Variants in MIR2052HG observed in about 807,000 individuals in gnomAD.
The protein encoded by MIR2052HG is MIR2052 host gene.
chr8:74,748,957 TG>T (rs1809915106), intron 4 of MIR2052HG, among the ~76,000 whole-genome samples: 1 of 152,192 alleles, frequency 6.6e-6, no homozygotes, highest in African/African-American at 2.4e-5. Context: ...ACAAAGCTGG[TG>T]GGTCTGCTTT....
chr8:74,720,858 A>T (rs1227029511), intron 4 of MIR2052HG, among the ~76,000 whole-genome samples: 1 of 152,062 alleles, frequency 6.6e-6, no homozygotes, highest in Non-Finnish European at 1.5e-5. Flanking sequence ...AGAGAGAGAG[A>T]GTGAAGAGGG....
chr8:74,670,992 A>G (rs542184856), intron 2 of MIR2052HG, among the ~76,000 whole-genome samples: 1 of 151,032 alleles, frequency 6.6e-6, no homozygotes, highest in East Asian at 2.0e-4. Context: ...GAGATATTTC[A>G]TGGACCCCAG....
chr8:74,724,320 T>A (rs922341132), intron 4 of MIR2052HG, among the ~76,000 whole-genome samples: 1 of 152,158 alleles, frequency 6.6e-6, no homozygotes, highest in South Asian at 2.1e-4. Context: ...TTTCAGGAGA[T>A]AACAGCACAG....
At chr8:74,722,455 A>C (rs979393178) in intron 4 of MIR2052HG, among the ~76,000 whole-genome samples, 1 of 152,230 alleles carries the variant, frequency 6.6e-6, no homozygotes, top group Non-Finnish European at 1.5e-5. Flanking sequence ...TTTTTGTAGA[A>C]ATCATTCTTG....
chr8:74,615,123 T>C (rs1586889875), intron 2 of MIR2052HG: 2 of 152,200 alleles, frequency 1.3e-5, no homozygotes, highest in Admixed American at 6.5e-5. Flanking sequence ...GCCAAGTGAA[T>C]AGGTCAGAGA....
intron 4 of MIR2052HG, among the ~76,000 whole-genome samples, chr8:74,741,536 C>G (rs948683242): frequency 2.0e-5 from 3 of 152,070 alleles, no homozygotes; most frequent in African/African-American, 7.2e-5. Context: ...AAATTTAGCC[C>G]CTTCACACTG....
At chr8:74,678,215 G>A (rs993184986) in intron 2 of MIR2052HG, among the ~76,000 whole-genome samples, 7 of 152,110 alleles carry the variant, frequency 4.6e-5, no homozygotes, top group African/African-American at 1.7e-4. Flanking sequence ...GTTATACTAA[G>A]TATTCAATTA....
At chr8:74,707,591 T>G (rs1365939131) in intron 4 of MIR2052HG, among the ~76,000 whole-genome samples, 3 of 152,062 alleles carry the variant, frequency 2.0e-5, no homozygotes, top group Non-Finnish European at 4.4e-5. Context: ...TTTTTTTAAC[T>G]GCAACTGGGG....
chr8:74,712,227 T>A (rs1361448000), intron 4 of MIR2052HG, among the ~76,000 whole-genome samples: 3 of 152,162 alleles, frequency 2.0e-5, no homozygotes, highest in African/African-American at 7.2e-5. Context: ...TGTAAACACA[T>A]GTAAAGTATG....
chr8:74,686,024 A>G (rs1809177230), intron 2 of MIR2052HG, among the ~76,000 whole-genome samples: 1 of 151,992 alleles, frequency 6.6e-6, no homozygotes, highest in South Asian at 2.1e-4. Flanking sequence ...TATCCATGAT[A>G]ACTGCTCTGC....
At chr8:74,628,366 G>A (rs1373102738) in intron 2 of MIR2052HG, among the ~76,000 whole-genome samples, 1 of 152,196 alleles carries the variant, frequency 6.6e-6, no homozygotes, top group Non-Finnish European at 1.5e-5. Context: ...AAAAAAATGT[G>A]ATAATCTCTA....
In MIR2052HG at chr8:74,618,251, C is replaced by T. The variant is rs1808312917; in HGVS notation, n.216+5311C>T. Among the ~76,000 whole-genome samples the T allele has an allele frequency of 3.3e-5, 5 of 152,202 alleles. No homozygotes were observed. In the South Asian group the frequency reaches 1.0e-3, roughly 32 times the overall value. On this transcript the variant is annotated intron_variant and non_coding_transcript_variant, in intron 2 of 6. Transcript: ENST00000523442. ...GAACCTGCTCACCATTTTCCGTCCTCTTGCCCAATTTTATTTTTTAATAGA... is the reference window on the plus strand; with the variant it reads ...GAACCTGCTCACCATTTTCCGTCCTTTTGCCCAATTTTATTTTTTAATAGA...
intron 2 of MIR2052HG, among the ~76,000 whole-genome samples, chr8:74,686,825 G>A (rs1809186499): frequency 6.6e-6 from 1 of 152,090 alleles, no homozygotes; most frequent in Non-Finnish European, 1.5e-5. Flanking sequence ...CAATTAAACA[G>A]GAGAGGCAGT....
intron 2 of MIR2052HG, among the ~76,000 whole-genome samples, chr8:74,682,837 G>GA (rs1311875524): frequency 6.6e-6 from 1 of 151,924 alleles, no homozygotes; most frequent in Non-Finnish European, 1.5e-5. Flanking sequence ...GATTGTTACA[G>GA]AAAAAAACTG....
At chr8:74,608,326 A>G (rs1032923116) in intron 1 of MIR2052HG, among the ~76,000 whole-genome samples, 2 of 152,218 alleles carry the variant, frequency 1.3e-5, no homozygotes, top group Non-Finnish European at 2.9e-5. Flanking sequence ...AAATGGAGAA[A>G]GGAGAAAAGA....
At chr8:74,669,454 A>T (rs894950747) in intron 2 of MIR2052HG, among the ~76,000 whole-genome samples, 1 of 152,180 alleles carries the variant, frequency 6.6e-6, no homozygotes, top group African/African-American at 2.4e-5. Context: ...GTATGCTTAG[A>T]TATGTCTTCC....
rs755697676 is a variant in MIR2052HG at position 74,738,129 on chromosome 8, G to GTATCTATC, written n.372-14309_372-14308insCTATCTAT. ...GTTATGTATGTATGTATGTATGTATGTATGTATCTATCTATCTATCCATCT... is the reference window on the plus strand; with the variant it reads ...GTTATGTATGTATGTATGTATGTATGTATCTATCTATGTATCTATCTATCTATCCATCT... On this transcript the variant is annotated intron_variant and non_coding_transcript_variant, in intron 4 of 6. Transcript: ENST00000523442. Among the ~76,000 whole-genome samples, 624 of 81,908 alleles carry GTATCTATC rather than the reference G, an allele frequency of 7.6e-3. 2 individuals are homozygous for GTATCTATC. Among genetic ancestry groups the GTATCTATC allele is most frequent in the Middle Eastern group, 0.053 (5 of 94 alleles). The allele number at this position is 81,908 out of a possible 152,430, so 53.7% of individuals were successfully genotyped here.
At chr8:74,718,483 G>A (rs1586922520) in intron 4 of MIR2052HG, among the ~76,000 whole-genome samples, 2 of 152,126 alleles carry the variant, frequency 1.3e-5, no homozygotes, top group South Asian at 4.1e-4. Context: ...CAGCCAGTGA[G>A]TAGGAGGAAA....
At chr8:74,722,631 T>G (rs183841391) in intron 4 of MIR2052HG, among the ~76,000 whole-genome samples, 11 of 152,344 alleles carry the variant, frequency 7.2e-5, no homozygotes, top group Non-Finnish European at 1.0e-4. Context: ...TTTTAATGTT[T>G]ATAGACTTAT....
Sources: allele counts gnomAD v4.1 joint callset (sites outside exome capture counted in the v4.1 genomes callset), GRCh38; gene constraint gnomAD v4.1.1; transcripts MANE v1.5; gene names NCBI Gene and HGNC (gene_info 2026-07-23, HGNC 2026-07-21).